Variants in FBXW4 observed in about 807,000 individuals in gnomAD.
The protein encoded by FBXW4 is F-box/WD repeat-containing protein 4.
FBXW4 carries 40 observed loss-of-function variants against 61.8 expected under a neutral mutation model. That is an observed-to-expected ratio of 0.65 (90% CI 0.50 to 0.84). The LOEUF (loss-of-function observed/expected upper bound fraction) is 0.84, where lower values mean the gene tolerates loss of function less well. FBXW4 is among the 40% of genes least tolerant of loss of function. The probability of loss-of-function intolerance (pLI) is 0.00; values close to 1 mark genes in which losing one functional copy is unlikely to be tolerated. For missense variants in FBXW4, 672 were observed against 753.8 expected (o/e 0.89, Z 1.27); for synonymous variants, 311 against 313.8 (o/e 0.99, Z 0.10).
chr10:101,650,326 T>C (rs983986907), intron 5 of FBXW4, among the ~76,000 whole-genome samples: 2 of 152,304 alleles, frequency 1.3e-5, no homozygotes, highest in Admixed American at 6.5e-5. Flanking sequence ...ACACTCTGCC[T>C]CTTTTCTGTC....
intron 6 of FBXW4, among the ~76,000 whole-genome samples, chr10:101,621,679 C>T (rs75987871): frequency 6.6e-6 from 1 of 152,156 alleles, no homozygotes; most frequent in Non-Finnish European, 1.5e-5. Context: ...CATACCAGTT[C>T]TGTTAGGTAG....
chr10:101,683,535 A>G (rs2064501424), intron 1 of FBXW4, among the ~76,000 whole-genome samples: 1 of 152,220 alleles, frequency 6.6e-6, no homozygotes, highest in African/African-American at 2.4e-5. Flanking sequence ...GTCCAGAGGG[A>G]CAGAAATTAA....
At chr10:101,640,098 C>A (rs1331913143) in intron 5 of FBXW4, among the ~76,000 whole-genome samples, 3 of 152,142 alleles carry the variant, frequency 2.0e-5, no homozygotes, top group Non-Finnish European at 2.9e-5. Context: ...GATACTTCAA[C>A]CACAAAATTA....
At chr10:101,641,563 T>C (rs1320386150) in intron 5 of FBXW4, among the ~76,000 whole-genome samples, 1 of 151,998 alleles carries the variant, frequency 6.6e-6, no homozygotes, top group Non-Finnish European at 1.5e-5. Context: ...GAGTGACATG[T>C]GCACACAAAC....
At chr10:101,674,923 G>C (rs1487008530) in intron 2 of FBXW4, among the ~76,000 whole-genome samples, 4 of 152,124 alleles carry the variant, frequency 2.6e-5, no homozygotes, top group African/African-American at 9.7e-5. Context: ...TTCTACATAG[G>C]GGTTCTGGAG....
intron 5 of FBXW4, among the ~76,000 whole-genome samples, chr10:101,639,950 ACTTACAATAAATGTGTC>A (rs1267912738): frequency 9.2e-5 from 14 of 152,332 alleles, no homozygotes; most frequent in African/African-American, 3.4e-4. Context: ...GGTTTCTGTC[ACTTACAATAAATGTGTC>A]CTGAGTAATA....
At chr10:101,648,177 A>G (rs1385232455) in intron 5 of FBXW4, among the ~76,000 whole-genome samples, 1 of 152,142 alleles carries the variant, frequency 6.6e-6, no homozygotes, top group Non-Finnish European at 1.5e-5. Flanking sequence ...TTTATCCTGT[A>G]TATTTAAAGT....
rs2134792387 is a variant in FBXW4 at position 101,611,281 on chromosome 10, G to A, written c.*10C>T. On this transcript the variant is annotated 3_prime_UTR_variant, in exon 9 of 9. Transcript: ENST00000331272. This position sits in a 1 kb window ranked among gnomAD's most constrained non-coding sequence, Gnocchi z 4.9. ...TTTCCCTGGCCCAGAGGCAGGGGTG[G>A]CCCTGACGGTCATGGGTTTTGAAAA... 6.2e-7 allele frequency: 1 copy of A among 1,612,332 alleles called. No individual in the cohort carries two copies.
intron 6 of FBXW4, among the ~76,000 whole-genome samples, chr10:101,621,390 T>C (rs540609885): frequency 6.6e-6 from 1 of 152,208 alleles, no homozygotes; most frequent in East Asian, 1.9e-4. Context: ...TAGCCAAGCA[T>C]GGTGGGGCAT....
chr10:101,670,611 T>A (rs2064350061), intron 4 of FBXW4, among the ~76,000 whole-genome samples: 1 of 152,202 alleles, frequency 6.6e-6, no homozygotes, highest in African/African-American at 2.4e-5. Context: ...TCTCTTCTCA[T>A]CCTAAGGATA....
chr10:101,660,542 T>C (rs2064232948), intron 5 of FBXW4, among the ~76,000 whole-genome samples: 1 of 152,100 alleles, frequency 6.6e-6, no homozygotes, highest in Admixed American at 6.5e-5. Flanking sequence ...CACTGAAATT[T>C]AAAGACAGAA....
chr10:101,660,105 T>C (rs868683719), intron 5 of FBXW4: 6 of 985,322 alleles, frequency 6.1e-6, no homozygotes, highest in East Asian at 1.1e-4. Flanking sequence ...CGGAGTCAGA[T>C]TGAAGTGTGT....
intron 1 of FBXW4, among the ~76,000 whole-genome samples, chr10:101,687,194 C>G (rs1273439613): frequency 3.3e-5 from 5 of 152,106 alleles, no homozygotes; most frequent in Admixed American, 3.3e-4. Flanking sequence ...ATCCTCATCC[C>G]CCCTACAAAA....
At chr10:101,691,649 T>C (rs2064605155) in intron 1 of FBXW4, among the ~76,000 whole-genome samples, 1 of 152,208 alleles carries the variant, frequency 6.6e-6, no homozygotes, top group Non-Finnish European at 1.5e-5. Context: ...TAAACATCAA[T>C]TCTTTCATTC....
At chr10:101,663,948 G>A (rs1476850003) in intron 5 of FBXW4, among the ~76,000 whole-genome samples, 1 of 152,202 alleles carries the variant, frequency 6.6e-6, no homozygotes, top group African/African-American at 2.4e-5. Context: ...ATGGGTAGAA[G>A]GGTATGCGAG....
Position 101,611,169 on chromosome 10 carries a change from T to C in FBXW4, c.*122A>G. 7.6e-7 allele frequency: 1 copy of C among 1,321,984 alleles called. No individual in the cohort carries two copies. The highest frequency in any genetic ancestry group is 1.4e-5 in the South Asian group (1 of 70,472). The allele number at this position is 1,321,984 out of a possible 1,614,324, so 81.9% of individuals were successfully genotyped here. ...CCTCTAGTGCAAGGTGCCTGAGCAC[T>C]GGGGTCACAGGCCCAGGAGCACAGT... On this transcript the variant is annotated 3_prime_UTR_variant, in exon 9 of 9. Coordinates refer to ENST00000331272, the MANE Select transcript of FBXW4 (RefSeq NM_022039.4). This position sits in a 1 kb window ranked among gnomAD's most constrained non-coding sequence, Gnocchi z 4.9.
At chr10:101,623,246 C>CA (rs894503477) in intron 6 of FBXW4, among the ~76,000 whole-genome samples, 1 of 151,980 alleles carries the variant, frequency 6.6e-6, no homozygotes, top group African/African-American at 2.4e-5. Context: ...AACCCATCTC[C>CA]AAAAAACACA....
At chr10:101,690,506 C>A (rs139980926) in intron 1 of FBXW4, among the ~76,000 whole-genome samples, 1 of 152,114 alleles carries the variant, frequency 6.6e-6, no homozygotes, top group African/African-American at 2.4e-5. Flanking sequence ...TATTAGTGTT[C>A]ACTGTTCGGG....
intron 5 of FBXW4, among the ~76,000 whole-genome samples, chr10:101,647,277 T>A (rs1018860220): frequency 1.3e-5 from 2 of 152,226 alleles, no homozygotes; most frequent in African/African-American, 4.8e-5. Flanking sequence ...TCTGCCCCCA[T>A]CAGCTCTTTT....
Sources: gnomAD v4.1 joint callset for allele counts (sites outside exome capture counted in the v4.1 genomes callset) on GRCh38, gnomAD v4.1.1 for gene constraint, Gnocchi (gnomAD v3.1) non-coding constraint, MANE v1.5 for transcripts, NCBI Gene and HGNC (gene_info 2026-07-23, HGNC 2026-07-21) for gene names.